The following MLLT3 variants were observed in gnomAD, a reference collection of about 807,000 sequenced individuals.
MLLT3 encodes protein AF-9.
In MLLT3, 4 loss-of-function variants were observed where a neutral mutation model predicts 53.2. The observed-to-expected ratio is 0.08, with a 90% CI of 0.04 to 0.17. MLLT3 has a LOEUF of 0.17. Ranked by LOEUF, MLLT3 falls within the 10% of genes least tolerant of loss-of-function variation. The pLI is 1.00. For missense variants in MLLT3, 569 were observed against 684.0 expected, an observed-to-expected ratio of 0.83 and a Z score of 1.87; for synonymous variants, 283 against 230.6, an observed-to-expected ratio of 1.23 and a Z score of -2.06.
chr9:20,559,270 A>G (rs1404684524), intron 2 of MLLT3, among the ~76,000 whole-genome samples: 1 of 152,256 alleles, frequency 6.6e-6, no homozygotes, highest in African/African-American at 2.4e-5. Context: ...ACTCCTTTGC[A>G]AAACATATGT....
intron 2 of MLLT3, among the ~76,000 whole-genome samples, chr9:20,498,651 T>G (rs1563788076): frequency 6.6e-6 from 1 of 152,236 alleles, no homozygotes. Flanking sequence ...TGTATTTTTT[T>G]TAGCTCATCA....
intron 2 of MLLT3, among the ~76,000 whole-genome samples, chr9:20,482,388 T>G (rs184877052): frequency 4.6e-5 from 7 of 152,336 alleles, no homozygotes; most frequent in African/African-American, 1.7e-4. Flanking sequence ...TTTGCAATGG[T>G]CATCCACTTT....
intron 4 of MLLT3, among the ~76,000 whole-genome samples, chr9:20,441,223 A>G (rs963891025): frequency 3.3e-5 from 5 of 152,166 alleles, no homozygotes; most frequent in African/African-American, 7.2e-5. Context: ...TGAAGACACG[A>G]AAGTTGTTTT....
At chr9:20,590,094 C>G (rs1458024575) in intron 2 of MLLT3, among the ~76,000 whole-genome samples, 1 of 152,144 alleles carries the variant, frequency 6.6e-6, no homozygotes, top group Non-Finnish European at 1.5e-5. Context: ...TCATCTAGGT[C>G]AGCTGTTAGA....
intron 2 of MLLT3, among the ~76,000 whole-genome samples, chr9:20,468,627 G>A (rs1824294115): frequency 6.6e-6 from 1 of 152,158 alleles, no homozygotes; most frequent in South Asian, 2.1e-4. Flanking sequence ...GGAATCAGGG[G>A]ACCTGGTTCT....
At chr9:20,456,076 T>G (rs777667131) in intron 3 of MLLT3, among the ~76,000 whole-genome samples, 14 of 152,092 alleles carry the variant, frequency 9.2e-5, no homozygotes, top group Non-Finnish European at 1.8e-4. Context: ...GTAGCTGTAA[T>G]TACAGGCATC....
chr9:20,410,063 T>C (rs962054791), intron 5 of MLLT3, among the ~76,000 whole-genome samples: 1 of 152,208 alleles, frequency 6.6e-6, no homozygotes, highest in Non-Finnish European at 1.5e-5. Flanking sequence ...CTTTTTATCT[T>C]GTATTTTTAC....
At chr9:20,394,170 T>C (rs1307031594) in intron 5 of MLLT3, among the ~76,000 whole-genome samples, 1 of 152,104 alleles carries the variant, frequency 6.6e-6, no homozygotes, top group African/African-American at 2.4e-5. Flanking sequence ...GGATGCAGGC[T>C]GAGACACCAA....
At chr9:20,443,225 T>C (rs550211408) in intron 4 of MLLT3, among the ~76,000 whole-genome samples, 109 of 152,192 alleles carry the variant, frequency 7.2e-4, no homozygotes, top group African/African-American at 2.5e-3. Flanking sequence ...AAGCAGGCCA[T>C]TTGGTTTCCA....
At chr9:20,386,917 G>A (rs1411985344) in intron 5 of MLLT3, among the ~76,000 whole-genome samples, 1 of 152,138 alleles carries the variant, frequency 6.6e-6, no homozygotes, top group Non-Finnish European at 1.5e-5. Flanking sequence ...TTGTCTTAAT[G>A]TATTAAGTTG....
At position 20,620,633 on chromosome 9, in the gene MLLT3, C is replaced by T. The variant is rs879010942; in HGVS notation, c.193+21G>A. On this transcript the variant is annotated intron_variant, in intron 2 of 10. Coordinates refer to ENST00000380338, the MANE Select transcript of MLLT3 (RefSeq NM_004529.4). The surrounding 1 kb of genome is among the most constrained non-coding windows in gnomAD (Gnocchi z 6.1). Reference sequence around the variant, plus strand: ...TTTCAAAGACATTTTTTATCAAGACCCTTTTGTATTCGAGCCCTACCTCTT... The same window carrying T: ...TTTCAAAGACATTTTTTATCAAGACTCTTTTGTATTCGAGCCCTACCTCTT... 7 of 1,608,044 alleles carry T rather than the reference C, an allele frequency of 4.4e-6. No homozygotes were observed. In the South Asian group the frequency reaches 6.6e-5, roughly 15 times the overall value.
At chr9:20,484,229 A>T (rs1824746570) in intron 2 of MLLT3, among the ~76,000 whole-genome samples, 1 of 152,168 alleles carries the variant, frequency 6.6e-6, no homozygotes, top group South Asian at 2.1e-4. Flanking sequence ...TTACCAAATA[A>T]ATTTTCCTAC....
At position 20,621,066 on chromosome 9, in the gene MLLT3, G is replaced by A; in HGVS notation, c.13-232C>T. 5 of 669,938 alleles carry A rather than the reference G, an allele frequency of 7.5e-6. No individual in the cohort carries two copies. The highest frequency in any genetic ancestry group is 1.4e-5 in the Non-Finnish European group (5 of 369,846). 41.5% of individuals were successfully genotyped at this position (669,938 alleles called of 1,614,324 possible). A position where few individuals can be genotyped will look rare whatever the true frequency, so the allele number is the denominator to read the frequency against. On this transcript the variant is annotated intron_variant, in intron 1 of 10. Coordinates refer to ENST00000380338, the MANE Select transcript of MLLT3 (RefSeq NM_004529.4). This position sits in a 1 kb window ranked among gnomAD's most constrained non-coding sequence, Gnocchi z 7.0. ...GCGCCCCGGGCCCCGCATCTACATC[G>A]GACAGGATTGTAACGGAATGTTATC...
chr9:20,543,011 T>C (rs1185375724), intron 2 of MLLT3, among the ~76,000 whole-genome samples: 1 of 152,232 alleles, frequency 6.6e-6, no homozygotes, highest in Non-Finnish European at 1.5e-5. Context: ...GCTTCAAACA[T>C]TTCTTCTGCA....
At chr9:20,520,098 A>G (rs1459295548) in intron 2 of MLLT3, among the ~76,000 whole-genome samples, 1 of 152,184 alleles carries the variant, frequency 6.6e-6, no homozygotes, top group Non-Finnish European at 1.5e-5. Context: ...TAACACAGGA[A>G]CAGAAAGCCA....
At chr9:20,480,273 A>C (rs1315699607) in intron 2 of MLLT3, among the ~76,000 whole-genome samples, 1 of 152,210 alleles carries the variant, frequency 6.6e-6, no homozygotes, top group African/African-American at 2.4e-5. Context: ...GGGCTTCCTG[A>C]GCCTTTCTAT....
chr9:20,569,088 C>T (rs1340776215), intron 2 of MLLT3, among the ~76,000 whole-genome samples: 1 of 152,164 alleles, frequency 6.6e-6, no homozygotes, highest in Non-Finnish European at 1.5e-5. Flanking sequence ...ACTTACACCC[C>T]TCCTGTCCAT....
intron 2 of MLLT3, among the ~76,000 whole-genome samples, chr9:20,531,405 G>C (rs1267246642): frequency 1.3e-5 from 2 of 151,982 alleles, no homozygotes; most frequent in Admixed American, 6.6e-5. Context: ...CACAGTGCTG[G>C]GATTACAGGT....
At chr9:20,452,304 C>T (rs1002910708) in intron 3 of MLLT3, among the ~76,000 whole-genome samples, 1 of 152,140 alleles carries the variant, frequency 6.6e-6, no homozygotes. Flanking sequence ...TCATGCTGTT[C>T]TCATGATAGT....
Sources: allele counts gnomAD v4.1 joint callset (sites outside exome capture counted in the v4.1 genomes callset), GRCh38; gene constraint gnomAD v4.1.1; non-coding constraint Gnocchi (gnomAD v3.1); transcripts MANE v1.5; gene names NCBI Gene and HGNC (gene_info 2026-07-23, HGNC 2026-07-21).